GRIP1: variants seen among roughly 807,000 people sequenced by gnomAD.
GRIP1 encodes glutamate receptor interacting protein 1, also known as glutamate receptor-interacting protein 1.
GRIP1 carries 45 observed loss-of-function variants against 129.9 expected under a neutral mutation model. That is an observed-to-expected ratio of 0.35 (90% CI 0.27 to 0.44). The LOEUF (loss-of-function observed/expected upper bound fraction) is 0.44, where lower values mean the gene tolerates loss of function less well. Among genes scored for constraint, GRIP1 ranks in the 20% least tolerant of loss-of-function variants. GRIP1 has a pLI of 1.00. For synonymous variants in GRIP1, 530 were observed against 520.8 expected, an observed-to-expected ratio of 1.02 and a Z score of -0.24; for missense variants, 1,196 against 1,396.8, an observed-to-expected ratio of 0.86 and a Z score of 2.29.
intron 1 of GRIP1, among the ~76,000 whole-genome samples, chr12:66,893,285 T>C (rs949701420): frequency 6.0e-5 from 9 of 150,844 alleles, no homozygotes; most frequent in Admixed American, 5.9e-4. Flanking sequence ...GTCTGCTCTG[T>C]TGCCCAGGCT....
chr12:66,622,710 C>T (rs890985966), intron 1 of GRIP1, among the ~76,000 whole-genome samples: 1 of 151,992 alleles, frequency 6.6e-6, no homozygotes, highest in African/African-American at 2.4e-5. Flanking sequence ...GTTTCATTTC[C>T]CCCTTGCCAT....
At chr12:66,731,525 C>T (rs1380734170) in intron 1 of GRIP1, among the ~76,000 whole-genome samples, 1 of 152,080 alleles carries the variant, frequency 6.6e-6, no homozygotes, top group Non-Finnish European at 1.5e-5. Context: ...ACAATATCTG[C>T]CTTATTTAAT....
intron 1 of GRIP1, among the ~76,000 whole-genome samples, chr12:66,879,936 T>G: frequency 6.6e-6 from 1 of 151,896 alleles, no homozygotes; most frequent in East Asian, 1.9e-4. Flanking sequence ...AACTGCAGTG[T>G]AAGAAAGAGT....
intron 2 of GRIP1, among the ~76,000 whole-genome samples, chr12:66,574,857 C>G (rs942564395): frequency 6.6e-6 from 1 of 151,106 alleles, no homozygotes; most frequent in African/African-American, 2.4e-5. Flanking sequence ...GTGATCTCAG[C>G]TCCGCCTTCT....
intron 2 of GRIP1, among the ~76,000 whole-genome samples, chr12:66,549,901 G>A (rs1242324239): frequency 6.6e-6 from 1 of 152,066 alleles, no homozygotes; most frequent in African/African-American, 2.4e-5. Context: ...CCAAAGAAAG[G>A]GGATATACAA....
intron 1 of GRIP1, among the ~76,000 whole-genome samples, chr12:66,973,178 A>G (rs1447132357): frequency 6.6e-6 from 1 of 152,130 alleles, no homozygotes; most frequent in African/African-American, 2.4e-5. Context: ...TTATAAATCT[A>G]TATGTCATGT....
chr12:66,581,781 A>T (rs2063391933), intron 2 of GRIP1, among the ~76,000 whole-genome samples: 1 of 152,140 alleles, frequency 6.6e-6, no homozygotes, highest in South Asian at 2.1e-4. Context: ...CCAACGAAAA[A>T]GAATCCAGGA....
At chr12:66,613,549 A>G (rs2139900405) in intron 1 of GRIP1, among the ~76,000 whole-genome samples, 1 of 152,354 alleles carries the variant, frequency 6.6e-6, no homozygotes, top group South Asian at 2.1e-4. Context: ...CTTGCTTTAC[A>G]TGATAAATGA....
intron 14 of GRIP1, among the ~76,000 whole-genome samples, chr12:66,430,638 T>C (rs935215599): frequency 6.6e-6 from 1 of 152,210 alleles, no homozygotes; most frequent in African/African-American, 2.4e-5. Context: ...TGTCTACTTT[T>C]TAATAAGAAA....
rs189073445 is a variant in GRIP1 at position 66,483,003 on chromosome 12, C to T, written c.725-17581G>A. Among the ~76,000 whole-genome samples, 334 of 152,254 alleles carry T rather than the reference C, an allele frequency of 2.2e-3. 2 individuals are homozygous for T. Among genetic ancestry groups the T allele is most frequent in the African/African-American group, 7.4e-3 (308 of 41,544 alleles). ...ATGGGCTACATAATTACAGAAGATA[C>T]GCTGATGACTGTTTGCATGGGAAAC... On this transcript the variant is annotated intron_variant, in intron 7 of 24. Transcript: ENST00000359742.
At chr12:66,791,544 T>C (rs1210067448) in intron 1 of GRIP1, among the ~76,000 whole-genome samples, 1 of 152,130 alleles carries the variant, frequency 6.6e-6, no homozygotes, top group Non-Finnish European at 1.5e-5. Context: ...GGAGCTAAGG[T>C]TGAGCATTGG....
intron 1 of GRIP1, among the ~76,000 whole-genome samples, chr12:67,031,909 CTTGA>C (rs2043028485): frequency 6.6e-6 from 1 of 152,034 alleles, no homozygotes; most frequent in East Asian, 1.9e-4. Context: ...CTTTCATCAA[CTTGA>C]TTATTAAAGA....
At chr12:67,036,435 C>G (rs1417606023) in intron 1 of GRIP1, among the ~76,000 whole-genome samples, 1 of 151,720 alleles carries the variant, frequency 6.6e-6, no homozygotes, top group African/African-American at 2.4e-5. Context: ...TCAAGAGATT[C>G]TCCTACCTCA....
intron 1 of GRIP1, among the ~76,000 whole-genome samples, chr12:66,879,806 AGT>A (rs1238837751): frequency 6.6e-6 from 1 of 152,126 alleles, no homozygotes; most frequent in Non-Finnish European, 1.5e-5. Flanking sequence ...ACAGTATAAG[AGT>A]AGATAAGGCA....
intron 1 of GRIP1, among the ~76,000 whole-genome samples, chr12:66,650,406 A>G (rs372929161): frequency 5.3e-5 from 8 of 152,288 alleles, no homozygotes; most frequent in Admixed American, 3.3e-4. Context: ...CATCTTAACT[A>G]TTCTCAGTCT....
At chr12:66,512,309 G>A (rs1173225608) in intron 7 of GRIP1, among the ~76,000 whole-genome samples, 3 of 152,140 alleles carry the variant, frequency 2.0e-5, no homozygotes, top group Non-Finnish European at 4.4e-5. Context: ...GGAACAGTTT[G>A]GAGGGCTCAG....
chr12:67,008,485 A>T (rs2042659306), intron 1 of GRIP1, among the ~76,000 whole-genome samples: 1 of 152,178 alleles, frequency 6.6e-6, no homozygotes, highest in South Asian at 2.1e-4. Context: ...ATGTTATTTA[A>T]TGTACAATAA....
chr12:66,599,526 A>G (rs11176308), intron 1 of GRIP1, among the ~76,000 whole-genome samples: 10,828 of 152,214 alleles, frequency 0.071, 487 homozygotes, highest in East Asian at 0.12. Flanking sequence ...ATCACAGAAT[A>G]AACACCAGCT....
intron 1 of GRIP1, among the ~76,000 whole-genome samples, chr12:66,905,403 G>A (rs1044599445): frequency 2.6e-5 from 4 of 152,188 alleles, no homozygotes; most frequent in Non-Finnish European, 4.4e-5. Context: ...ACATAGGTCA[G>A]TAGTTGGGCA....
Sources: allele counts gnomAD v4.1 joint callset (sites outside exome capture counted in the v4.1 genomes callset), GRCh38; gene constraint gnomAD v4.1.1; transcripts MANE v1.5; gene names NCBI Gene and HGNC (gene_info 2026-07-23, HGNC 2026-07-21).